GRIA2: variants seen among roughly 807,000 people sequenced by gnomAD.
GRIA2 encodes the protein glutamate ionotropic receptor AMPA type subunit 2.
Under a neutral mutation model 97.3 loss-of-function variants are expected in GRIA2, and 14 were observed. That is an observed-to-expected ratio of 0.14 (90% CI 0.10 to 0.23). GRIA2 has a LOEUF of 0.23. Among genes scored for constraint, GRIA2 ranks in the 10% least tolerant of loss-of-function variants. The pLI is 1.00. For synonymous variants in GRIA2, 412 were observed against 387.8 expected (o/e 1.06, Z -0.73); for missense variants, 558 against 1,069.8 (o/e 0.52, Z 6.67).
chr4:157,364,994 C>T lies in GRIA2; in HGVS notation c.*1563C>T, dbSNP rs1736820969. 6.6e-6 allele frequency: 1 copy of T among 151,416 alleles called. No individual in the cohort carries two copies. The highest frequency in any genetic ancestry group is 2.4e-5 in the African/African-American group (1 of 41,334). 9.4% of individuals were successfully genotyped at this position (151,416 alleles called of 1,614,324 possible). A position where few individuals can be genotyped will look rare whatever the true frequency, so the allele number is the denominator to read the frequency against. ...TACCTCTTATTTCCATTAAAGCCCC[C>T]CAAGTTTAATTAATTTAGGATTTTG... On this transcript the variant is annotated 3_prime_UTR_variant, in exon 16 of 16. Transcript: ENST00000264426.
chr4:157,224,464 G>T (rs1047603203), intron 2 of GRIA2, among the ~76,000 whole-genome samples: 1 of 152,036 alleles, frequency 6.6e-6, no homozygotes, highest in Non-Finnish European at 1.5e-5. Context: ...TTGTGACTCC[G>T]TTTTTTTATT....
chr4:157,342,939 A>G (rs1325909202), intron 12 of GRIA2, among the ~76,000 whole-genome samples: 1 of 152,090 alleles, frequency 6.6e-6, no homozygotes, highest in Non-Finnish European at 1.5e-5. Flanking sequence ...CACATTCACA[A>G]AGCTTTTCAG....
At chr4:157,314,498 A>C (rs1734223877) in intron 4 of GRIA2, among the ~76,000 whole-genome samples, 1 of 152,154 alleles carries the variant, frequency 6.6e-6, no homozygotes, top group African/African-American at 2.4e-5. Context: ...GATTGTTTTT[A>C]ACCTGAAGGC....
intron 11 of GRIA2, among the ~76,000 whole-genome samples, chr4:157,340,577 AT>A (rs535778717): frequency 6.6e-6 from 1 of 150,792 alleles, no homozygotes; most frequent in African/African-American, 2.4e-5. Context: ...TTTGAGTTTT[AT>A]TTTTTTTTGA....
Position 157,341,426 on chromosome 4 carries a change from A to G in GRIA2, c.2007A>G (p.Gly669=). 1.2e-6 allele frequency: 2 copies of G among 1,612,292 alleles called. No homozygotes were observed. Among genetic ancestry groups the G allele is most frequent in the Non-Finnish European group, 1.7e-6 (2 of 1,178,488 alleles). The change falls in exon 12 of 16, where the codon GGA becomes GGG. Residue 669 remains glycine, a synonymous_variant. Transcript: ENST00000264426. The part of the protein sequence containing the change: ...DLSKQTEIAY[G]TLDSGSTKEF... ...CTAAGCAAACAGAAATTGCTTATGG[A>G]ACATTAGACTCTGGCTCCACTAAAG...
At chr4:157,249,387 A>T (rs1360388911) in intron 2 of GRIA2, 1 of 152,200 alleles carries the variant, frequency 6.6e-6, no homozygotes, top group African/African-American at 2.4e-5. Context: ...CCTTACTACC[A>T]GAGTCTTTAG....
chr4:157,335,260 A>G, intron 9 of GRIA2: 1 of 201,976 alleles, frequency 5.0e-6, no homozygotes, highest in Non-Finnish European at 1.0e-5. Context: ...GCAGTGACAC[A>G]GGGTTTTGGG....
intron 2 of GRIA2, among the ~76,000 whole-genome samples, chr4:157,302,176 CAAAA>C (rs1209652829): frequency 3.0e-5 from 2 of 67,078 alleles, no homozygotes; most frequent in Non-Finnish European, 3.1e-5. Flanking sequence ...GACTGTGTCT[CAAAA>C]AAAAAAAAAA....
chr4:157,316,393 G>T (rs1040656155), intron 4 of GRIA2, among the ~76,000 whole-genome samples: 7 of 152,080 alleles, frequency 4.6e-5, no homozygotes, highest in African/African-American at 1.7e-4. Flanking sequence ...TATCAAAGTG[G>T]CATATGGTAG....
chr4:157,277,529 A>G (rs1280945983), intron 2 of GRIA2, among the ~76,000 whole-genome samples: 1 of 151,780 alleles, frequency 6.6e-6, no homozygotes, highest in Non-Finnish European at 1.5e-5. Flanking sequence ...ATTCTTAGCT[A>G]ATGTAATAAT....
At chr4:157,264,449 C>G (rs968045183) in intron 2 of GRIA2, among the ~76,000 whole-genome samples, 6 of 152,094 alleles carry the variant, frequency 3.9e-5, no homozygotes, top group African/African-American at 1.4e-4. Flanking sequence ...CTAGTACTCT[C>G]CTTCTTTTGA....
At chr4:157,279,503 A>C (rs2126810796) in intron 2 of GRIA2, among the ~76,000 whole-genome samples, 1 of 152,224 alleles carries the variant, frequency 6.6e-6, no homozygotes, top group African/African-American at 2.4e-5. Context: ...ATTATGTTTC[A>C]ATGTAGATTC....
chr4:157,359,340 A>G (rs1036820768), intron 12 of GRIA2, among the ~76,000 whole-genome samples: 5 of 152,208 alleles, frequency 3.3e-5, no homozygotes, highest in Non-Finnish European at 7.3e-5. Context: ...GAAAACTTCA[A>G]TGGCCAAAGA....
chr4:157,314,816 G>A (rs999288566), intron 4 of GRIA2, among the ~76,000 whole-genome samples: 1 of 152,100 alleles, frequency 6.6e-6, no homozygotes, highest in African/African-American at 2.4e-5. Context: ...TGTATTAAAT[G>A]AGCACATGCA....
At chr4:157,236,993 C>CAT (rs1236398094) in intron 2 of GRIA2, among the ~76,000 whole-genome samples, 1 of 152,122 alleles carries the variant, frequency 6.6e-6, no homozygotes, top group African/African-American at 2.4e-5. Context: ...TATGAATACA[C>CAT]ATATTCTTAA....
chr4:157,276,162 G>T (rs910259529), intron 2 of GRIA2, among the ~76,000 whole-genome samples: 4 of 152,014 alleles, frequency 2.6e-5, no homozygotes, highest in Admixed American at 2.0e-4. Flanking sequence ...TTGGCTCTCT[G>T]TTTGTCTGTT....
intron 2 of GRIA2, among the ~76,000 whole-genome samples, chr4:157,267,191 T>G (rs1471578671): frequency 6.6e-6 from 1 of 151,896 alleles, no homozygotes; most frequent in Non-Finnish European, 1.5e-5. Flanking sequence ...TTTGGGAGGC[T>G]GAGGCAGGCG....
intron 6 of GRIA2, among the ~76,000 whole-genome samples, chr4:157,323,387 G>T (rs199521001): frequency 6.7e-6 from 1 of 150,006 alleles, no homozygotes; most frequent in African/African-American, 2.5e-5. Context: ...TTATATCGGG[G>T]AGGTACTTTT....
At chr4:157,259,705 T>A (rs1384984640) in intron 2 of GRIA2, among the ~76,000 whole-genome samples, 2 of 152,152 alleles carry the variant, frequency 1.3e-5, no homozygotes, top group Non-Finnish European at 2.9e-5. Flanking sequence ...CTGCTGTTCC[T>A]ATTTGAAAGT....
Sources: allele counts gnomAD v4.1 joint callset (sites outside exome capture counted in the v4.1 genomes callset), GRCh38; gene constraint gnomAD v4.1.1; transcripts MANE v1.5; gene names NCBI Gene and HGNC (gene_info 2026-07-23, HGNC 2026-07-21).